ZBTB38: variants seen among roughly 807,000 people sequenced by gnomAD.
ZBTB38 encodes zinc finger and BTB domain-containing protein 38.
Under a neutral mutation model 76.8 loss-of-function variants are expected in ZBTB38, and 20 were observed. That is an observed-to-expected ratio of 0.26 (90% CI 0.18 to 0.38). The LOEUF (loss-of-function observed/expected upper bound fraction) is 0.38, where lower values mean the gene tolerates loss of function less well. Among genes scored for constraint, ZBTB38 ranks in the 10% least tolerant of loss-of-function variants. The pLI is 1.00. For synonymous variants in ZBTB38, 504 were observed against 544.2 expected, an observed-to-expected ratio of 0.93 and a Z score of 1.03; for missense variants, 1,082 against 1,482.3, an observed-to-expected ratio of 0.73 and a Z score of 4.43.
In ZBTB38 at chr3:141,442,680, G is replaced by C; in HGVS notation, c.292G>C (p.Val98Leu). The C allele has an allele frequency of 6.2e-7, 1 of 1,614,174 alleles. No individual in the cohort carries two copies. Among genetic ancestry groups the C allele is most frequent in the Non-Finnish European group, 8.5e-7 (1 of 1,180,026 alleles). The change falls in exon 6 of 6, where the codon GTC becomes CTC. Residue 98 changes from valine to leucine, a missense_variant. This residue lies in a region of ZBTB38 where 68 missense variants were observed against 153.0 expected (regional missense o/e 0.44). Coordinates refer to ENST00000321464, the MANE Select transcript of ZBTB38 (RefSeq NM_001376113.1). The surrounding 1 kb of genome is among the most constrained non-coding windows in gnomAD (Gnocchi z 6.4). ...TTATATCTACAGTTCCACAGTCGTT[G>C]TCAAGAGACAGGAAACAGTCACTGA... Reference protein sequence around the residue: ...LNYIYSSTVVVKRQETVTDLA... With the variant: ...LNYIYSSTVVLKRQETVTDLA...
At chr3:141,382,068 G>C (rs1034838662) in intron 3 of ZBTB38, among the ~76,000 whole-genome samples, 13 of 152,144 alleles carry the variant, frequency 8.5e-5, no homozygotes, top group Non-Finnish European at 1.9e-4. Flanking sequence ...ATCTGTTCAG[G>C]AGAAAAATAC....
intron 1 of ZBTB38, among the ~76,000 whole-genome samples, chr3:141,345,685 G>T (rs1943331773): frequency 6.6e-6 from 1 of 152,104 alleles, no homozygotes; most frequent in Non-Finnish European, 1.5e-5. Context: ...AGCTCAGAAA[G>T]GCTGCTTATG....
At position 141,403,480 on chromosome 3, in the gene ZBTB38, G is replaced by A. The variant is rs75909100; in HGVS notation, c.-105-447G>A. 3.5e-4 allele frequency among the ~76,000 whole-genome samples: 53 copies of A among 152,318 alleles called. No individual in the cohort carries two copies. The East Asian group carries it at 7.7e-3, about 22-fold the overall frequency. ...TATAGAATATATAGTACAATACAGA[G>A]AAGAATAGAAAAAATAACGTGCATT... On this transcript the variant is annotated intron_variant, in intron 4 of 5. Coordinates refer to ENST00000321464, the MANE Select transcript of ZBTB38 (RefSeq NM_001376113.1).
chr3:141,334,565 C>T (rs1029430166), intron 1 of ZBTB38, among the ~76,000 whole-genome samples: 2 of 151,756 alleles, frequency 1.3e-5, no homozygotes, highest in South Asian at 2.1e-4. Flanking sequence ...CTTAGGTTAG[C>T]TGTACATGGG....
At chr3:141,342,392 CAAAA>C (rs58284476) in intron 1 of ZBTB38, among the ~76,000 whole-genome samples, 6 of 97,638 alleles carry the variant, frequency 6.1e-5, no homozygotes, top group African/African-American at 2.2e-4. Context: ...GACTCTGTCT[CAAAA>C]AAAAAAAAAA....
chr3:141,343,521 A>C (rs899034387), intron 1 of ZBTB38, among the ~76,000 whole-genome samples: 7 of 152,214 alleles, frequency 4.6e-5, no homozygotes, highest in Admixed American at 2.6e-4. Flanking sequence ...CAAATTCTCA[A>C]AGAGGGTGAC....
chr3:141,362,690 G>A (rs1307373351), intron 1 of ZBTB38, among the ~76,000 whole-genome samples: 1 of 152,166 alleles, frequency 6.6e-6, no homozygotes, highest in Non-Finnish European at 1.5e-5. Context: ...ATTAGGACTG[G>A]AGAAAAGATT....
At chr3:141,393,039 T>G (rs1949348986) in intron 4 of ZBTB38, among the ~76,000 whole-genome samples, 1 of 152,226 alleles carries the variant, frequency 6.6e-6, no homozygotes, top group African/African-American at 2.4e-5. Context: ...CAATTCCTGC[T>G]CAGGGTTCAA....
At chr3:141,370,568 G>A (rs978686934) in intron 2 of ZBTB38, among the ~76,000 whole-genome samples, 1 of 152,206 alleles carries the variant, frequency 6.6e-6, no homozygotes, top group African/African-American at 2.4e-5. Flanking sequence ...AACAGTGGGA[G>A]AAGTAAACAA....
chr3:141,434,863 T>G (rs539369619), intron 5 of ZBTB38, among the ~76,000 whole-genome samples: 312 of 152,300 alleles, frequency 2.0e-3, no homozygotes, highest in Non-Finnish European at 3.1e-3. Flanking sequence ...CTGGCTGTGG[T>G]GGCTCAGGCC....
chr3:141,401,594 T>C (rs1413928975), intron 4 of ZBTB38, among the ~76,000 whole-genome samples: 2 of 148,162 alleles, frequency 1.3e-5, no homozygotes, highest in African/African-American at 4.9e-5. Flanking sequence ...TTTAATCCTT[T>C]TAAGCTGTGG....
At chr3:141,419,297 C>G (rs1269340582) in intron 5 of ZBTB38, among the ~76,000 whole-genome samples, 1 of 152,204 alleles carries the variant, frequency 6.6e-6, no homozygotes, top group African/African-American at 2.4e-5. Context: ...CACCAGGCCC[C>G]TCCTCCAGTT....
intron 4 of ZBTB38, chr3:141,387,617 A>G (rs1947480485): frequency 6.6e-6 from 1 of 152,156 alleles, no homozygotes. Context: ...GAGGAAGGGG[A>G]AAAAAATTCA....
At chr3:141,392,333 T>C (rs1361332380) in intron 4 of ZBTB38, among the ~76,000 whole-genome samples, 1 of 152,164 alleles carries the variant, frequency 6.6e-6, no homozygotes, top group Non-Finnish European at 1.5e-5. Context: ...TGAGCATTTG[T>C]TGAGCATCTG....
At chr3:141,333,947 T>G (rs966375938) in intron 1 of ZBTB38, among the ~76,000 whole-genome samples, 1 of 152,122 alleles carries the variant, frequency 6.6e-6, no homozygotes, top group Admixed American at 6.5e-5. Context: ...AGTCAGAAAA[T>G]AGACTTTCAT....
intron 5 of ZBTB38, among the ~76,000 whole-genome samples, chr3:141,434,525 T>G (rs1388362678): frequency 6.6e-6 from 1 of 152,160 alleles, no homozygotes; most frequent in African/African-American, 2.4e-5. Context: ...ATTTTCTTTT[T>G]CTAAACCTAG....
upstream of ZBTB38, among the ~76,000 whole-genome samples, chr3:141,363,974 A>T (rs938175078): frequency 1.3e-5 from 2 of 152,216 alleles, no homozygotes; most frequent in Non-Finnish European, 2.9e-5. Context: ...AAGATTGATA[A>T]GTTGGACTTT....
At chr3:141,390,128 G>A (rs1176043246) in intron 4 of ZBTB38, 1 of 152,126 alleles carries the variant, frequency 6.6e-6, no homozygotes, top group Admixed American at 6.5e-5. Context: ...TTAATACTTT[G>A]CCTTCATATT....
At chr3:141,428,223 T>C (rs2076768636) in intron 5 of ZBTB38, among the ~76,000 whole-genome samples, 1 of 152,254 alleles carries the variant, frequency 6.6e-6, no homozygotes, top group Non-Finnish European at 1.5e-5. Flanking sequence ...AATCCCATTC[T>C]GGGTCTTTTC....
Sources: allele counts gnomAD v4.1 joint callset (sites outside exome capture counted in the v4.1 genomes callset), GRCh38; gene constraint gnomAD v4.1.1; regional missense constraint gnomAD v4.1.1; non-coding constraint Gnocchi (gnomAD v3.1); transcripts MANE v1.5; gene names NCBI Gene and HGNC (gene_info 2026-07-23, HGNC 2026-07-21).